Variants in TMCC3 observed in about 807,000 individuals in gnomAD.
The protein encoded by TMCC3 is transmembrane and coiled-coil domain family 3, also known as transmembrane and coiled-coil domain protein 3.
A neutral mutation model predicts 40.2 loss-of-function variants in TMCC3; 28 were observed. That is an observed-to-expected ratio of 0.70 (90% CI 0.52 to 0.95). The LOEUF (loss-of-function observed/expected upper bound fraction) is 0.95. Ranked by LOEUF, TMCC3 falls within the 40% of genes least tolerant of loss-of-function variation. The pLI, the probability that TMCC3 is intolerant of heterozygous loss-of-function variation, is 0.00. For synonymous variants in TMCC3, 255 were observed against 248.5 expected (o/e 1.03, Z -0.25); for missense variants, 554 against 615.2 (o/e 0.90, Z 1.05).
Position 94,650,520 on chromosome 12 carries a change from G to C in TMCC3, c.-90C>G. The C allele has an allele frequency of 9.5e-7, 1 of 1,049,998 alleles. No individual in the cohort carries two copies. Among genetic ancestry groups the C allele is most frequent in the Non-Finnish European group, 1.2e-6 (1 of 831,552 alleles). 65.0% of individuals were successfully genotyped at this position (1,049,998 alleles called of 1,614,324 possible). On this transcript the variant is annotated 5_prime_UTR_variant, in exon 1 of 4. Transcript: ENST00000261226. Reference sequence around the variant, plus strand: ...GCTCGGGATCACCCTGGGAGCCGCGGGCGAGGGGGCGGCGCGGCTGCTGCA... The same window carrying C: ...GCTCGGGATCACCCTGGGAGCCGCGCGCGAGGGGGCGGCGCGGCTGCTGCA...
chr12:94,637,950 A>G (rs2068969391), intron 1 of TMCC3, among the ~76,000 whole-genome samples: 1 of 152,130 alleles, frequency 6.6e-6, no homozygotes, highest in Admixed American at 6.5e-5. Flanking sequence ...AAAGAACACA[A>G]CTATCTCCAT....
At chr12:94,640,137 G>C (rs1218984540) in intron 1 of TMCC3, among the ~76,000 whole-genome samples, 1 of 152,142 alleles carries the variant, frequency 6.6e-6, no homozygotes, top group Non-Finnish European at 1.5e-5. Context: ...AAAAGTCTTT[G>C]GTGCTAAAAA....
intron 1 of TMCC3, among the ~76,000 whole-genome samples, chr12:94,612,466 A>G (rs1477038549): frequency 6.6e-6 from 1 of 151,306 alleles, no homozygotes. Context: ...GCCCGCCACT[A>G]CACTCGGCTA....
chr12:94,590,669 C>T (rs550363665), intron 1 of TMCC3, among the ~76,000 whole-genome samples: 5 of 152,242 alleles, frequency 3.3e-5, no homozygotes, highest in African/African-American at 1.2e-4. Context: ...TGGGGCTCAG[C>T]ATGGCCCCAC....
At chr12:94,590,739 G>A (rs920770474) in intron 1 of TMCC3, 2 of 362,974 alleles carry the variant, frequency 5.5e-6, no homozygotes, top group African/African-American at 2.2e-5. Flanking sequence ...AGAAACAAGC[G>A]GGGTTGTGTC....
intron 3 of TMCC3, among the ~76,000 whole-genome samples, chr12:94,575,541 A>G (rs1405866502): frequency 6.6e-6 from 1 of 152,216 alleles, no homozygotes; most frequent in African/African-American, 2.4e-5. Context: ...AGTCATTCAC[A>G]CAGATGTCCT....
chr12:94,623,983 G>A (rs1241377219), intron 1 of TMCC3, among the ~76,000 whole-genome samples: 1 of 152,240 alleles, frequency 6.6e-6, no homozygotes, highest in Non-Finnish European at 1.5e-5. Context: ...AATTATACCA[G>A]CCTCTCAGCT....
At chr12:94,625,515 A>C (rs2068899634) in intron 1 of TMCC3, among the ~76,000 whole-genome samples, 1 of 151,090 alleles carries the variant, frequency 6.6e-6, no homozygotes. Context: ...AACGGCTTGA[A>C]TCTGGGAGAT....
At chr12:94,596,040 C>T (rs533935983) in intron 1 of TMCC3, among the ~76,000 whole-genome samples, 1 of 152,284 alleles carries the variant, frequency 6.6e-6, no homozygotes, top group South Asian at 2.1e-4. Context: ...TCAGATTATA[C>T]CCTGTTCTCT....
chr12:94,582,586 T>G (rs2068611784), intron 1 of TMCC3, 48 bp from the exon 2 acceptor site: 2 of 1,488,250 alleles, frequency 1.3e-6, no homozygotes, highest in Non-Finnish European at 1.8e-6. Context: ...GTCAAAGAGA[T>G]AATTACTGTG....
intron 1 of TMCC3, among the ~76,000 whole-genome samples, chr12:94,622,459 C>T (rs2068880829): frequency 6.6e-6 from 1 of 151,790 alleles, no homozygotes; most frequent in African/African-American, 2.4e-5. Context: ...GTAAATATAC[C>T]GAGACATTAA....
At chr12:94,639,034 A>G (rs2068975334) in intron 1 of TMCC3, among the ~76,000 whole-genome samples, 1 of 152,088 alleles carries the variant, frequency 6.6e-6, no homozygotes, top group Non-Finnish European at 1.5e-5. Flanking sequence ...TTCTCCACCC[A>G]CTATCTGTCC....
At chr12:94,584,298 C>T (rs1396677278) in intron 1 of TMCC3, among the ~76,000 whole-genome samples, 11 of 152,120 alleles carry the variant, frequency 7.2e-5, no homozygotes, top group African/African-American at 2.7e-4. Flanking sequence ...TGCAGGCATC[C>T]TCCTGCTTTC....
chr12:94,575,167 C>T lies in TMCC3; in HGVS notation c.1131+3227G>A, dbSNP rs144662194. 7.4e-4 allele frequency among the ~76,000 whole-genome samples: 112 copies of T among 152,280 alleles called. 3 individuals are homozygous for T. In the East Asian group the frequency reaches 0.02, roughly 28 times the overall value. On this transcript the variant is annotated intron_variant, in intron 3 of 3. Transcript: ENST00000261226. ...TGACATCCCTGCAGGCAACAGCCTC[C>T]CTGTCTCTGGCAGCCCATTCCCTTT...
At chr12:94,601,007 T>A (rs569508074) in intron 1 of TMCC3, among the ~76,000 whole-genome samples, 1 of 152,272 alleles carries the variant, frequency 6.6e-6, no homozygotes, top group East Asian at 1.9e-4. Context: ...AAATACATGT[T>A]TACCAATATA....
At chr12:94,613,188 G>A (rs909389741) in intron 1 of TMCC3, among the ~76,000 whole-genome samples, 1 of 151,854 alleles carries the variant, frequency 6.6e-6, no homozygotes, top group African/African-American at 2.4e-5. Flanking sequence ...AATGGGCCAG[G>A]CACAATGGCT....
chr12:94,637,185 T>C (rs2138881514), intron 1 of TMCC3, among the ~76,000 whole-genome samples: 1 of 152,274 alleles, frequency 6.6e-6, no homozygotes, highest in Middle Eastern at 3.4e-3. Context: ...AAACAGCTCA[T>C]AAACACAGAC....
At chr12:94,641,284 TGCTGACTG>T (rs1227275580) in intron 1 of TMCC3, among the ~76,000 whole-genome samples, 1 of 152,124 alleles carries the variant, frequency 6.6e-6, no homozygotes, top group African/African-American at 2.4e-5. Context: ...GCATCTGGTT[TGCTGACTG>T]GCTGTATGGG....
At chr12:94,627,896 T>C (rs1594294576) in intron 1 of TMCC3, among the ~76,000 whole-genome samples, 1 of 152,224 alleles carries the variant, frequency 6.6e-6, no homozygotes, top group Non-Finnish European at 1.5e-5. Flanking sequence ...TCCACAAGGG[T>C]AGGGATTTTT....
Sources: allele counts gnomAD v4.1 joint callset (sites outside exome capture counted in the v4.1 genomes callset), GRCh38; gene constraint gnomAD v4.1.1; transcripts MANE v1.5; gene names NCBI Gene and HGNC (gene_info 2026-07-23, HGNC 2026-07-21).